The following KCNG2 variants were observed in gnomAD, a reference collection of about 807,000 sequenced individuals.
The protein encoded by KCNG2 is potassium voltage-gated channel modifier subfamily G member 2.
A neutral mutation model predicts 12.3 loss-of-function variants in KCNG2; 7 were observed. That is an observed-to-expected ratio of 0.57 (90% CI 0.32 to 1.07). The LOEUF (loss-of-function observed/expected upper bound fraction) is 1.07. Among genes scored for constraint, KCNG2 ranks in the 50% least tolerant of loss-of-function variants. The probability of loss-of-function intolerance (pLI) is 0.04; values close to 1 mark genes in which losing one functional copy is unlikely to be tolerated. For missense variants in KCNG2, 703 were observed against 726.0 expected (o/e 0.97, Z 0.36); for synonymous variants, 414 against 351.4 (o/e 1.18, Z -1.99).
rs762747319 is a variant in KCNG2, at chr18:79,899,784, G to A, written c.1369G>A (p.Ala457Thr). Residue 457 changes from alanine (A) to threonine (T), a missense_variant, in exon 4 of 4, where the codon GCG (alanine) becomes ACG (threonine). By Grantham distance (58) the Ala-to-Thr change is moderately conservative. Coordinates refer to ENST00000316249, the MANE Select transcript of KCNG2 (RefSeq NM_012283.2). Reference protein sequence around the residue: ...PDSAGLADDSADALWVRAGR With the variant: ...PDSAGLADDSTDALWVRAGR ...CAGCGCGGGCCTGGCCGACGACTCC[G>A]CGGATGCGCTGTGGGTGCGGGCAGG... is the stretch of plus-strand genomic sequence containing the variant. 30 of 1,460,608 alleles carry A rather than the reference G, an allele frequency of 2.1e-5. No homozygotes were observed. In the East Asian group the frequency reaches 2.9e-4, roughly 14 times the overall value. The allele number at this position is 1,460,608 out of a possible 1,614,324, so 90.5% of individuals were successfully genotyped here.
intron 1 of KCNG2, among the ~76,000 whole-genome samples, chr18:79,829,536 C>T (rs954649520): frequency 6.6e-6 from 1 of 151,924 alleles, no homozygotes. Context: ...TCCCTACGGC[C>T]GGTGGGTCTC....
At chr18:79,863,325 T>C (rs550332142) in intron 2 of KCNG2, among the ~76,000 whole-genome samples, 1 of 152,216 alleles carries the variant, frequency 6.6e-6, no homozygotes, top group Non-Finnish European at 1.5e-5. Flanking sequence ...GGAGTTTGCG[T>C]CGATTTGTGA....
intron 3 of KCNG2, among the ~76,000 whole-genome samples, chr18:79,896,474 C>T (rs2123135774): frequency 6.6e-6 from 1 of 152,342 alleles, no homozygotes; most frequent in Non-Finnish European, 1.5e-5. Flanking sequence ...TTTTGCTTCA[C>T]TGTCATTTCC....
intron 3 of KCNG2, among the ~76,000 whole-genome samples, chr18:79,869,684 T>C (rs1354626057): frequency 6.6e-6 from 1 of 152,166 alleles, no homozygotes; most frequent in Admixed American, 6.5e-5. Context: ...GGTGATTTGC[T>C]CAACTGTTTA....
At chr18:79,805,470 C>T (rs1274206306) in intron 1 of KCNG2, among the ~76,000 whole-genome samples, 1 of 152,232 alleles carries the variant, frequency 6.6e-6, no homozygotes, top group Non-Finnish European at 1.5e-5. Context: ...GCACTGGCTA[C>T]AGGTCGAGTT....
chr18:79,870,865 G>A (rs577431506), intron 3 of KCNG2, among the ~76,000 whole-genome samples: 23 of 152,314 alleles, frequency 1.5e-4, no homozygotes, highest in Non-Finnish European at 2.4e-4. Context: ...CTCACAGAGC[G>A]AGTTTTGTGG....
At chr18:79,814,592 G>A (rs973908559) in intron 1 of KCNG2, among the ~76,000 whole-genome samples, 12 of 152,210 alleles carry the variant, frequency 7.9e-5, no homozygotes, top group African/African-American at 2.9e-4. Flanking sequence ...AGAGCTGGGA[G>A]GGGGTGGCAG....
intron 1 of KCNG2, among the ~76,000 whole-genome samples, chr18:79,853,161 G>A: frequency 6.6e-6 from 1 of 152,238 alleles, no homozygotes. Context: ...GCGGACAGTG[G>A]GCATGTCCTC....
intron 3 of KCNG2, among the ~76,000 whole-genome samples, chr18:79,887,792 C>T (rs191187070): frequency 1.7e-4 from 26 of 152,322 alleles, no homozygotes; most frequent in African/African-American, 5.1e-4. Flanking sequence ...GGGTGGCTCC[C>T]CCACTTTTCC....
At position 79,864,101 on chromosome 18, in the gene KCNG2, G is replaced by A. The variant is rs966206412; in HGVS notation, c.434G>A (p.Ser145Asn). Residue 145 changes from serine (S) to asparagine (N), a missense_variant, in exon 3 of 4, where the codon AGC becomes AAC. By Grantham distance (46) the Ser-to-Asn change is conservative. Coordinates refer to ENST00000316249, the MANE Select transcript of KCNG2 (RefSeq NM_012283.2). ...CCGACGGAGCGCGGGGCGCAGGGGA[G>A]CCCGGCGCGCGCCCTGGGACCTCGG... ...AGPTERGAQG[S>N]PARALGPRGR... 21 of 1,106,206 alleles carry A rather than the reference G, an allele frequency of 1.9e-5. No homozygotes were observed. Among genetic ancestry groups the A allele is most frequent in the Non-Finnish European group, 2.3e-5 (21 of 909,324 alleles). 68.5% of individuals were successfully genotyped at this position (1,106,206 alleles called of 1,614,324 possible).
chr18:79,870,296 G>C (rs1032660513), intron 3 of KCNG2, among the ~76,000 whole-genome samples: 9 of 152,232 alleles, frequency 5.9e-5, no homozygotes, highest in Non-Finnish European at 2.9e-5. Context: ...GTCTTCTGTC[G>C]TCTCTGACAG....
chr18:79,879,701 G>A (rs1487469249), intron 3 of KCNG2, among the ~76,000 whole-genome samples: 1 of 152,200 alleles, frequency 6.6e-6, no homozygotes, highest in Non-Finnish European at 1.5e-5. Context: ...GAGAAAGGGT[G>A]TTATGGTTCA....
intron 1 of KCNG2, among the ~76,000 whole-genome samples, chr18:79,798,999 C>G (rs931724781): frequency 5.3e-5 from 8 of 152,350 alleles, no homozygotes; most frequent in African/African-American, 1.9e-4. Context: ...TCACCTCCTC[C>G]AAAGGGTCTG....
chr18:79,824,511 G>T (rs1267397082), intron 1 of KCNG2, among the ~76,000 whole-genome samples: 1 of 152,154 alleles, frequency 6.6e-6, no homozygotes, highest in East Asian at 1.9e-4. Flanking sequence ...GATTTTTGCT[G>T]TCTAGTTTTA....
intron 3 of KCNG2, among the ~76,000 whole-genome samples, chr18:79,879,184 C>T (rs750037976): frequency 7.2e-5 from 11 of 152,194 alleles, no homozygotes; most frequent in Non-Finnish European, 7.3e-5. Flanking sequence ...GCCAAAGGAC[C>T]TGTCTTTGGC....
chr18:79,803,926 C>T lies in KCNG2; in HGVS notation c.-115+5912C>T, dbSNP rs996136504. ...ATCAGAATCTTAGGCCTGGCCTGGC[C>T]GTGTCACTCCTATCTCACCTTCAGG... On this transcript the variant is annotated intron_variant, in intron 1 of 3. Coordinates refer to ENST00000316249, the MANE Select transcript of KCNG2 (RefSeq NM_012283.2). The surrounding 1 kb of genome is among the most constrained non-coding windows in gnomAD (Gnocchi z 4.5). Among the ~76,000 whole-genome samples the T allele has an allele frequency of 1.5e-4, 23 of 152,220 alleles. No homozygotes were observed. The highest frequency in any genetic ancestry group is 5.9e-4 in the Admixed American group (9 of 15,286).
At chr18:79,807,407 G>T (rs1023776822) in intron 1 of KCNG2, among the ~76,000 whole-genome samples, 5 of 152,082 alleles carry the variant, frequency 3.3e-5, no homozygotes, top group African/African-American at 1.2e-4. Context: ...GTAAACACCC[G>T]AGCACCCAGC....
chr18:79,827,927 C>CTTTCTT (rs71338067), intron 1 of KCNG2, among the ~76,000 whole-genome samples: 1 of 141,116 alleles, frequency 7.1e-6, no homozygotes, highest in South Asian at 2.2e-4. Flanking sequence ...TTCTTTCTTT[C>CTTTCTT]TTTTTTTTTT....
intron 1 of KCNG2, among the ~76,000 whole-genome samples, chr18:79,826,352 CG>C (rs1568247418): frequency 6.6e-6 from 1 of 152,256 alleles, no homozygotes; most frequent in African/African-American, 2.4e-5. Context: ...GCTTCAGGTA[CG>C]GCGCCCGTTC....
Sources: allele counts gnomAD v4.1 joint callset (sites outside exome capture counted in the v4.1 genomes callset), GRCh38; gene constraint gnomAD v4.1.1; non-coding constraint Gnocchi (gnomAD v3.1); transcripts MANE v1.5; gene names NCBI Gene and HGNC (gene_info 2026-07-23, HGNC 2026-07-21).